Variants in LRRC37A2 observed in about 807,000 individuals in gnomAD.
The protein encoded by LRRC37A2 is leucine rich repeat containing 37 member A2.
In LRRC37A2, 9 loss-of-function variants were observed where a neutral mutation model predicts 68.8. The ratio of observed to expected loss-of-function variants is 0.13; its 90% CI spans 0.08 to 0.23. LRRC37A2 has a LOEUF of 0.23. LRRC37A2 is among the 10% of genes least tolerant of loss of function. LRRC37A2 has a pLI of 1.00. For missense variants in LRRC37A2, 168 were observed against 950.4 expected (o/e 0.18, Z 10.82); for synonymous variants, 63 against 367.6 (o/e 0.17, Z 9.48).
chr17:46,695,016 G>A, the LRRC37A2 span, among the ~76,000 whole-genome samples: 4 of 110,070 alleles, frequency 3.6e-5, no homozygotes, highest in Non-Finnish European at 5.5e-5. Context: ...GGAGGCTGAG[G>A]CGGGCGGATC....
At chr17:46,830,817 CT>C in the LRRC37A2 span, 1 of 398,464 alleles carries the variant, frequency 2.5e-6, no homozygotes, top group Non-Finnish European at 4.4e-6. Flanking sequence ...TTCACACCCC[CT>C]GTTCCATTCT....
chr17:46,499,333 A>AG, the LRRC37A2 span, among the ~76,000 whole-genome samples: 6 of 121,388 alleles, frequency 4.9e-5, no homozygotes, highest in Admixed American at 2.5e-4. Context: ...AAAAAAAAAA[A>AG]AAGGTGGGGG....
At chr17:46,896,212 T>A in the LRRC37A2 span, among the ~76,000 whole-genome samples, 2 of 151,608 alleles carry the variant, frequency 1.3e-5, no homozygotes, top group Admixed American at 6.6e-5. Context: ...CAGAATCACT[T>A]GAACCCGGGA....
At chr17:46,863,093 A>C in the LRRC37A2 span, among the ~76,000 whole-genome samples, 1 of 142,530 alleles carries the variant, frequency 7.0e-6, no homozygotes, top group Non-Finnish European at 1.5e-5. Flanking sequence ...AGCATACGCC[A>C]GCAATCAGTC....
chr17:46,716,967 T>C, the LRRC37A2 span, among the ~76,000 whole-genome samples: 1 of 152,244 alleles, frequency 6.6e-6, no homozygotes, highest in Non-Finnish European at 1.5e-5. Context: ...ACAATCCCTT[T>C]TTGTTGGACA....
At chr17:47,033,670 A>C in the LRRC37A2 span, among the ~76,000 whole-genome samples, 1 of 152,218 alleles carries the variant, frequency 6.6e-6, no homozygotes, top group Admixed American at 6.5e-5. Flanking sequence ...TCCTCAGTTA[A>C]TAGAAAGGAA....
At chr17:46,967,136 A>C in the LRRC37A2 span, 1 of 153,902 alleles carries the variant, frequency 6.5e-6, no homozygotes, top group Non-Finnish European at 1.4e-5. Flanking sequence ...GAAGACGGAC[A>C]TGAGAACCTA....
chr17:46,703,690 A>C, the LRRC37A2 span, among the ~76,000 whole-genome samples: 16 of 151,094 alleles, frequency 1.1e-4, no homozygotes, highest in East Asian at 2.5e-3. Context: ...CAAAAAAAAA[A>C]AAAAAAAAAA....
chr17:46,859,818 T>A, the LRRC37A2 span, among the ~76,000 whole-genome samples: 1 of 152,176 alleles, frequency 6.6e-6, no homozygotes, highest in Admixed American at 6.5e-5. Flanking sequence ...GTCTGCTGAT[T>A]TGCACACAGG....
chr17:46,755,247 C>A, the LRRC37A2 span: 2 of 1,223,942 alleles, frequency 1.6e-6, no homozygotes, highest in Non-Finnish European at 1.2e-6. Context: ...ACTGCCTTCT[C>A]ATGAAGCAAG....
the LRRC37A2 span, among the ~76,000 whole-genome samples, chr17:46,804,912 C>T: frequency 7.7e-6 from 1 of 129,184 alleles, no homozygotes; most frequent in Admixed American, 7.8e-5. Context: ...AAGCTGCCTC[C>T]CCGCCCACCC....
the LRRC37A2 span, among the ~76,000 whole-genome samples, chr17:46,947,560 G>A: frequency 6.6e-6 from 1 of 152,200 alleles, no homozygotes; most frequent in South Asian, 2.1e-4. Flanking sequence ...CTTTTTAGGT[G>A]CAGTGTAATG....
chr17:47,045,757 A>AGATT, the LRRC37A2 span, among the ~76,000 whole-genome samples: 1 of 131,286 alleles, frequency 7.6e-6, no homozygotes, highest in Non-Finnish European at 1.6e-5. Context: ...ATCAAAGATC[A>AGATT]GGCACTGCAT....
At chr17:46,878,087 C>G in the LRRC37A2 span, among the ~76,000 whole-genome samples, 1 of 152,214 alleles carries the variant, frequency 6.6e-6, no homozygotes, top group Admixed American at 6.5e-5. Context: ...GTTGCACATG[C>G]CTCTCTTGTT....
chr17:46,470,030 A>G, the LRRC37A2 span, among the ~76,000 whole-genome samples: 1 of 61,452 alleles, frequency 1.6e-5, no homozygotes, highest in African/African-American at 5.7e-5. Context: ...TTTCAGTAGG[A>G]AGGCCTAATT....
At chr17:46,938,774 A>C in the LRRC37A2 span, 1 of 1,613,686 alleles carries the variant, frequency 6.2e-7, no homozygotes, top group South Asian at 1.1e-5. Context: ...AGCCACGCTC[A>C]GTGGCTGAAC....
At chr17:46,580,544 A>AC in the LRRC37A2 span, among the ~76,000 whole-genome samples, 1 of 94,466 alleles carries the variant, frequency 1.1e-5, no homozygotes, top group Admixed American at 1.1e-4. Context: ...GCAAAAAAAA[A>AC]CAAATTTAAA....
chr17:47,019,475 A>G, the LRRC37A2 span: 8 of 1,591,774 alleles, frequency 5.0e-6, no homozygotes, highest in Non-Finnish European at 6.9e-6. Flanking sequence ...AGCCCACTAC[A>G]GAGATTGGAC....
At chr17:46,767,708 T>C in the LRRC37A2 span, among the ~76,000 whole-genome samples, 1 of 152,232 alleles carries the variant, frequency 6.6e-6, no homozygotes, top group Non-Finnish European at 1.5e-5. Context: ...TTGATCTGGC[T>C]CATAACTAAC....
Sources: allele counts gnomAD v4.1 joint callset (sites outside exome capture counted in the v4.1 genomes callset), GRCh38; gene constraint gnomAD v4.1.1; transcripts MANE v1.5; gene names NCBI Gene and HGNC (gene_info 2026-07-23, HGNC 2026-07-21).